The following FSD1 variants were observed in gnomAD, a reference collection of about 807,000 sequenced individuals.
FSD1 encodes the protein fibronectin type III and SPRY domain-containing protein 1.
FSD1 carries 23 observed loss-of-function variants against 58.2 expected under a neutral mutation model. The ratio of observed to expected loss-of-function variants is 0.40; its 90% CI spans 0.28 to 0.56. The LOEUF is 0.56. FSD1 is among the 20% of genes least tolerant of loss of function. FSD1 has a pLI of 0.54. For synonymous variants in FSD1, 265 were observed against 263.4 expected, an observed-to-expected ratio of 1.01 and a Z score of -0.06; for missense variants, 563 against 670.8, an observed-to-expected ratio of 0.84 and a Z score of 1.78.
At chr19:4,308,650 G>C (rs886675255) in intron 4 of FSD1, among the ~76,000 whole-genome samples, 2 of 152,150 alleles carry the variant, frequency 1.3e-5, no homozygotes, top group East Asian at 1.9e-4. Flanking sequence ...GAGGTCAGGA[G>C]ATCAAGACCA....
rs1971782194 is a variant in FSD1 at position 4,318,715 on chromosome 19, C to T, written c.960-157C>T. On this transcript the variant is annotated intron_variant, in intron 9 of 12. Coordinates refer to ENST00000221856, the MANE Select transcript of FSD1 (RefSeq NM_024333.3). ...GACGGAGGGCACAGGCATGTTCTGA[C>T]ATAAACATGAGGTGCTCGATATATA... Among the ~76,000 whole-genome samples, 3 of 152,196 alleles carry T rather than the reference C, an allele frequency of 2.0e-5. No individual in the cohort carries two copies. In the South Asian group the frequency reaches 6.2e-4, roughly 31 times the overall value.
At chr19:4,305,849 TGTGTGTGCAC>T (rs1971613584) in intron 1 of FSD1, 87 bp from the exon 2 acceptor site, 1 of 853,522 alleles carries the variant, frequency 1.2e-6, no homozygotes, top group Non-Finnish European at 2.0e-6. Flanking sequence ...CGTGTGTGCA[TGTGTGTGCAC>T]GTGTGTACAT....
At chr19:4,307,159 A>G (rs1971632089) in intron 3 of FSD1, among the ~76,000 whole-genome samples, 1 of 152,096 alleles carries the variant, frequency 6.6e-6, no homozygotes, top group African/African-American at 2.4e-5. Flanking sequence ...GGCTTAAGCG[A>G]TTCTCCCATC....
At position 4,323,501 on chromosome 19, in the gene FSD1, A is replaced by AGGGGGGGGGGGGG; in HGVS notation, c.1381-31_1381-30insGGGGGGGGGGGGG. 1 of 1,412,762 alleles carries AGGGGGGGGGGGGG rather than the reference A, an allele frequency of 7.1e-7. No individual in the cohort carries two copies. Among genetic ancestry groups the AGGGGGGGGGGGGG allele is most frequent in the Non-Finnish European group, 1.0e-6 (1 of 998,328 alleles). The allele number at this position is 1,412,762 out of a possible 1,614,324, so 87.5% of individuals were successfully genotyped here. A position where few individuals can be genotyped will look rare whatever the true frequency, so the allele number is the denominator to read the frequency against. ...TGCTGGGCGCTGGGGTTTGAAGCTG[A>AGGGGGGGGGGGGG]GCCCCTCCCCCCTCCCCCCGCTGTC... is the stretch of plus-strand genomic sequence containing the variant. On this transcript the variant is annotated intron_variant, in intron 12 of 12. Transcript: ENST00000221856. The surrounding 1 kb of genome is among the most constrained non-coding windows in gnomAD (Gnocchi z 7.7).
intron 8 of FSD1, among the ~76,000 whole-genome samples, chr19:4,317,510 ACT>A (rs752503769): frequency 6.6e-6 from 1 of 151,660 alleles, no homozygotes; most frequent in East Asian, 1.9e-4. Context: ...AGCCACACAC[ACT>A]CTCTCTTTGC....
intron 7 of FSD1, among the ~76,000 whole-genome samples, chr19:4,313,510 G>A (rs559670479): frequency 4.0e-5 from 6 of 151,474 alleles, no homozygotes; most frequent in South Asian, 2.1e-4. Flanking sequence ...TTGAAGTCAC[G>A]AGATTGAGAC....
In FSD1 at chr19:4,318,852, C is replaced by G; in HGVS notation, c.960-20C>G. 1.2e-6 allele frequency: 2 copies of G among 1,605,132 alleles called. No homozygotes were observed. Among genetic ancestry groups the G allele is most frequent in the Non-Finnish European group, 1.7e-6 (2 of 1,172,376 alleles). On this transcript the variant is annotated intron_variant, in intron 9 of 12. Coordinates refer to ENST00000221856, the MANE Select transcript of FSD1 (RefSeq NM_024333.3). ...GTTGAACTGAGCCTCCTGAGCCTGCCCACTCCCTGCCCACCACAGAGGTAC... is the reference window on the plus strand; with the variant it reads ...GTTGAACTGAGCCTCCTGAGCCTGCGCACTCCCTGCCCACCACAGAGGTAC...
intron 10 of FSD1, among the ~76,000 whole-genome samples, chr19:4,320,304 G>A (rs1013586602): frequency 6.6e-6 from 1 of 152,060 alleles, no homozygotes; most frequent in Non-Finnish European, 1.5e-5. Flanking sequence ...GGAGCTAGAG[G>A]GAGCTTCTAG....
At chr19:4,315,292 G>A (rs1971741163) in intron 7 of FSD1, among the ~76,000 whole-genome samples, 1 of 142,926 alleles carries the variant, frequency 7.0e-6, no homozygotes, top group Non-Finnish European at 1.5e-5. Flanking sequence ...GCGCCCCAAC[G>A]CCTGGTTAAT....
At chr19:4,317,926 A>C (rs2144767178) in intron 8 of FSD1, among the ~76,000 whole-genome samples, 1 of 152,290 alleles carries the variant, frequency 6.6e-6, no homozygotes, top group South Asian at 2.1e-4. Context: ...CTGAGGCAGG[A>C]GAATCGCTTG....
At chr19:4,313,058 T>C (rs1344183805) in intron 7 of FSD1, among the ~76,000 whole-genome samples, 1 of 151,338 alleles carries the variant, frequency 6.6e-6, no homozygotes, top group Non-Finnish European at 1.5e-5. Flanking sequence ...TTACAAGAAA[T>C]TGAAAGCTGG....
rs750223108 is a variant in FSD1 at position 4,323,203 on chromosome 19, C to T, written c.1257C>T (p.Pro419=). Residue 419 remains proline (P), a synonymous_variant, in exon 11 of 13, where the codon CCC becomes CCT. Coordinates refer to ENST00000221856, the MANE Select transcript of FSD1 (RefSeq NM_024333.3). This position sits in a 1 kb window ranked among gnomAD's most constrained non-coding sequence, Gnocchi z 7.7. ...TCAAGGTGCTGGACGCCCCCGTGCC[C>T]GACTGCCTGGGTGTGCACTGTGACT... The part of the protein sequence containing the change: ...NKVKVLDAPV[P]DCLGVHCDFH... The T allele has an allele frequency of 8.7e-6, 14 of 1,605,028 alleles. No individual in the cohort carries two copies. The highest frequency in any genetic ancestry group is 1.0e-5 in the Non-Finnish European group (12 of 1,179,810).
intron 8 of FSD1, among the ~76,000 whole-genome samples, chr19:4,317,803 G>C (rs1971770953): frequency 6.6e-6 from 1 of 152,188 alleles, no homozygotes; most frequent in Admixed American, 6.5e-5. Flanking sequence ...CGGATCACGA[G>C]GTCAGGAGTT....
intron 10 of FSD1, among the ~76,000 whole-genome samples, chr19:4,320,650 CCCG>C (rs772385148): frequency 6.7e-6 from 1 of 150,344 alleles, no homozygotes; most frequent in African/African-American, 2.5e-5. Flanking sequence ...GGGGGGAATA[CCCG>C]GGAATCAAGG....
Position 4,317,181 on chromosome 19 carries a change from G to C in FSD1, c.701-1G>C, listed in dbSNP as rs1436293137. On this transcript the variant is annotated splice_acceptor_variant, in intron 7 of 12. Transcript: ENST00000221856. LOFTEE classifies it high-confidence loss of function. ...GTTGAAATGCCTCTCTTGCCTACCA[G>C]GTCTCAAGTTTGACATGAAATACAT... 1 of 1,583,724 alleles carries C rather than the reference G, an allele frequency of 6.3e-7. No individual in the cohort carries two copies. Among genetic ancestry groups the C allele is most frequent in the Admixed American group, 1.7e-5 (1 of 59,942 alleles).
At chr19:4,306,174 C>A in intron 2 of FSD1, 24 bp from the exon 3 acceptor site, 1 of 1,613,760 alleles carries the variant, frequency 6.2e-7, no homozygotes, top group Non-Finnish European at 8.5e-7. Context: ...CGGGCTTTGG[C>A]CGATTCTGGC....
rs766315489 is a variant in FSD1 at position 4,305,940 on chromosome 19, G to A, written c.16-6G>A. On this transcript the variant is annotated splice_region_variant and splice_polypyrimidine_tract_variant and intron_variant, in intron 1 of 12. Transcript: ENST00000221856. Reference sequence around the variant, plus strand: ...CCTGTGTGTGTCCACACTTCTGGTGGTGCAGGAGGCCCTGAGGAAGATCAT... The same window carrying A: ...CCTGTGTGTGTCCACACTTCTGGTGATGCAGGAGGCCCTGAGGAAGATCAT... The A allele has an allele frequency of 6.2e-7, 1 of 1,611,716 alleles. No individual in the cohort carries two copies. The highest frequency in any genetic ancestry group is 8.5e-7 in the Non-Finnish European group (1 of 1,177,774).
At chr19:4,310,084 C>T (rs564362052) in intron 4 of FSD1, among the ~76,000 whole-genome samples, 189 bp from the exon 5 acceptor site, 2 of 150,162 alleles carry the variant, frequency 1.3e-5, no homozygotes, top group South Asian at 2.1e-4. Context: ...AAAAATTGGC[C>T]GGGTGTGGTG....
At chr19:4,316,507 C>G (rs985084653) in intron 7 of FSD1, among the ~76,000 whole-genome samples, 1 of 152,078 alleles carries the variant, frequency 6.6e-6, no homozygotes, top group Non-Finnish European at 1.5e-5. Context: ...AGGCGTAAGC[C>G]ACCGCACCCA....
Sources: allele counts gnomAD v4.1 joint callset (sites outside exome capture counted in the v4.1 genomes callset), GRCh38; gene constraint gnomAD v4.1.1; non-coding constraint Gnocchi (gnomAD v3.1); transcripts MANE v1.5; gene names NCBI Gene and HGNC (gene_info 2026-07-23, HGNC 2026-07-21).